Variants in PRH1 observed in about 807,000 individuals in gnomAD.
PRH1 encodes salivary acidic proline-rich phosphoprotein 1/2.
Under a neutral mutation model 7.9 loss-of-function variants are expected in PRH1, and 7 were observed. The ratio of observed to expected loss-of-function variants is 0.89; its 90% CI spans 0.50 to 1.67. The LOEUF (loss-of-function observed/expected upper bound fraction) is 1.67. Ranked by LOEUF, PRH1 falls within the 40% of genes most tolerant of loss-of-function variation. PRH1 has a pLI of 0.00. For missense variants in PRH1, 109 were observed against 223.6 expected, an observed-to-expected ratio of 0.49 and a Z score of 3.27; for synonymous variants, 45 against 80.8, an observed-to-expected ratio of 0.56 and a Z score of 2.38.
intron 2 of PRH1, among the ~76,000 whole-genome samples, chr12:10,903,092 G>C (rs537500225): frequency 6.6e-6 from 1 of 152,030 alleles, no homozygotes; most frequent in Non-Finnish European, 1.5e-5. Flanking sequence ...AAAAGTCATC[G>C]GTCTGCTGTC....
Position 11,077,091 on chromosome 12 carries a change from T to C in PRH1, n.124-29903A>G, listed in dbSNP as rs1360032928. The stretch of plus-strand genomic sequence containing the variant: ...TGAACTATAAGAAAATATACATACA[T>C]TGTATATGTGAAATATACTCAGCTT... On this transcript the variant is annotated intron_variant and non_coding_transcript_variant, in intron 1 of 4. Coordinates refer to the PRH1 transcript ENST00000541977. 1.7e-5 allele frequency: 2 copies of C among 116,062 alleles called. 1 individual carries two copies. Among genetic ancestry groups the C allele is most frequent in the Non-Finnish European group, 4.1e-5 (2 of 48,974 alleles). 7.2% of individuals were successfully genotyped at this position (116,062 alleles called of 1,614,324 possible). A position where few individuals can be genotyped will look rare whatever the true frequency, so the allele number is the denominator to read the frequency against.
intron 1 of PRH1, among the ~76,000 whole-genome samples, chr12:11,075,014 C>T (rs1459148734): frequency 6.7e-6 from 1 of 148,262 alleles, no homozygotes; most frequent in Non-Finnish European, 1.5e-5. Context: ...CTTCTTTTGC[C>T]TCAGTTTCCA....
intron 1 of PRH1, chr12:11,171,218 C>A (rs894751986): frequency 4.3e-6 from 2 of 468,748 alleles, no homozygotes. Flanking sequence ...CTGCACCGAG[C>A]GGCGGCAGCG....
chr12:11,007,765 T>C (rs1940894413), intron 1 of PRH1, among the ~76,000 whole-genome samples: 1 of 152,032 alleles, frequency 6.6e-6, no homozygotes, highest in African/African-American at 2.4e-5. Flanking sequence ...TAGTACACCA[T>C]TCCCAGAAGC....
chr12:11,157,330 C>A (rs1947282763), intron 1 of PRH1, among the ~76,000 whole-genome samples: 1 of 152,164 alleles, frequency 6.6e-6, no homozygotes, highest in Non-Finnish European at 1.5e-5. Context: ...ATCACAGCAA[C>A]ACCATCTTAT....
At chr12:10,977,763 C>T (rs866380164) in intron 1 of PRH1, among the ~76,000 whole-genome samples, 35 of 152,184 alleles carry the variant, frequency 2.3e-4, no homozygotes, top group Middle Eastern at 3.4e-3. Context: ...TATATATCAA[C>T]AACATCCAAA....
At chr12:10,922,964 G>A (rs1282014852) in intron 2 of PRH1, among the ~76,000 whole-genome samples, 2 of 149,162 alleles carry the variant, frequency 1.3e-5, no homozygotes, top group African/African-American at 4.9e-5. Context: ...GAGTAGCTGG[G>A]ACTACAGGCG....
rs548735622 is a variant in PRH1, at chr12:11,030,527, C to T, written c.-126+16493G>A. The T allele has an allele frequency of 4.8e-5, 78 of 1,614,222 alleles. No individual in the cohort carries two copies. In the South Asian group the frequency reaches 5.5e-4, roughly 11 times the overall value. On this transcript the variant is annotated intron_variant, in intron 1 of 3. Transcript: ENST00000539853. ...GATGAATGGGTGGATTGAAGGATAGCTGAATCTAATAGCTTTGCAGAACAT... is the reference window on the plus strand; with the variant it reads ...GATGAATGGGTGGATTGAAGGATAGTTGAATCTAATAGCTTTGCAGAACAT...
intron 1 of PRH1, among the ~76,000 whole-genome samples, chr12:11,144,006 T>G (rs1946791746): frequency 6.6e-6 from 1 of 152,178 alleles, no homozygotes; most frequent in African/African-American, 2.4e-5. Context: ...GAGGGTGCAA[T>G]GGACTCCACG....
At chr12:11,119,020 G>T (rs1174662306), downstream of PRH1, among the ~76,000 whole-genome samples, 1 of 140,232 alleles carries the variant, frequency 7.1e-6, no homozygotes, top group African/African-American at 2.8e-5. Flanking sequence ...AAAAAAAAAA[G>T]AGGGAGAGAG....
chr12:11,013,040 C>T (rs1186079155), intron 1 of PRH1, among the ~76,000 whole-genome samples: 1 of 152,106 alleles, frequency 6.6e-6, no homozygotes. Context: ...GAAGGGTCAA[C>T]TTATATACTC....
At chr12:10,938,938 T>A in intron 2 of PRH1, 1 of 1,613,896 alleles carries the variant, frequency 6.2e-7, no homozygotes, top group Non-Finnish European at 8.5e-7. Context: ...GATTGATCAC[T>A]GTCCAGATAT....
At chr12:11,045,009 T>G (rs1003768456) in intron 1 of PRH1, among the ~76,000 whole-genome samples, 3 of 152,156 alleles carry the variant, frequency 2.0e-5, no homozygotes, top group African/African-American at 7.2e-5. Flanking sequence ...TACACTCCCA[T>G]GTTTGTTGTA....
At chr12:11,062,341 C>T in intron 1 of PRH1, 2 of 1,424,368 alleles carry the variant, frequency 1.4e-6, no homozygotes, top group Non-Finnish European at 1.9e-6. Context: ...TGTAATATCA[C>T]TGGTTGTGAT....
chr12:10,922,165 T>C (rs1950055043), intron 2 of PRH1, among the ~76,000 whole-genome samples: 1 of 152,196 alleles, frequency 6.6e-6, no homozygotes, highest in African/African-American at 2.4e-5. Flanking sequence ...AACAGTACCA[T>C]GTACTAAGTA....
intron 1 of PRH1, among the ~76,000 whole-genome samples, chr12:10,983,948 G>T (rs965644813): frequency 2.0e-5 from 3 of 152,184 alleles, no homozygotes; most frequent in African/African-American, 7.2e-5. Flanking sequence ...CCAAGGCTAA[G>T]ATACTCGTTT....
chr12:11,126,500 A>C (rs1946134670), intron 1 of PRH1, among the ~76,000 whole-genome samples: 1 of 152,246 alleles, frequency 6.6e-6, no homozygotes, highest in South Asian at 2.1e-4. Context: ...TGACTATGCA[A>C]TAATTTATTT....
At position 10,961,741 on chromosome 12, in the gene PRH1, G is replaced by T. The variant is rs974552285; in HGVS notation, c.-59+11914C>A. ...CAGCAGAGATGGTAGTTCCGCCTCA[G>T]GGAAACCCTGGCCAATGGAAAATGG... On this transcript the variant is annotated intron_variant, in intron 2 of 3. Transcript: ENST00000539853. Among the ~76,000 whole-genome samples, 8 of 152,318 alleles carry T rather than the reference G, an allele frequency of 5.3e-5. No homozygotes were observed. The East Asian group carries it at 1.5e-3, about 29-fold the overall frequency.
intron 2 of PRH1, chr12:10,909,339 T>G (rs1949861007): frequency 4.3e-6 from 6 of 1,403,846 alleles, no homozygotes; most frequent in Non-Finnish European, 5.0e-6. Flanking sequence ...TCACTGCTGG[T>G]TATTCACTGA....
Sources: gnomAD v4.1 joint callset for allele counts (sites outside exome capture counted in the v4.1 genomes callset) on GRCh38, gnomAD v4.1.1 for gene constraint, MANE v1.5 for transcripts, NCBI Gene and HGNC (gene_info 2026-07-23, HGNC 2026-07-21) for gene names.